Variants in MAML2 observed in about 807,000 individuals in gnomAD.
MAML2 encodes the protein mastermind like transcriptional coactivator 2, also known as mastermind-like protein 2.
Under a neutral mutation model 96.1 loss-of-function variants are expected in MAML2, and 22 were observed. The observed-to-expected ratio is 0.23, with a 90% CI of 0.16 to 0.33. The LOEUF (loss-of-function observed/expected upper bound fraction) is 0.33, where lower values mean the gene tolerates loss of function less well. MAML2 is among the 10% of genes least tolerant of loss of function. The pLI is 1.00. For synonymous variants in MAML2, 561 were observed against 521.3 expected, an observed-to-expected ratio of 1.08 and a Z score of -1.04; for missense variants, 1,367 against 1,392.4, an observed-to-expected ratio of 0.98 and a Z score of 0.29.
intron 1 of MAML2, among the ~76,000 whole-genome samples, chr11:96,163,172 C>T (rs565477830): frequency 2.2e-4 from 34 of 152,174 alleles, no homozygotes; most frequent in Non-Finnish European, 4.0e-4. Context: ...AAACCCGAGA[C>T]TGTCTCGGCA....
chr11:96,123,971 G>A (rs1388904523), intron 1 of MAML2, among the ~76,000 whole-genome samples: 1 of 151,980 alleles, frequency 6.6e-6, no homozygotes, highest in Admixed American at 6.6e-5. Context: ...TCGGGAGGCT[G>A]TAGTAGGAGA....
intron 1 of MAML2, among the ~76,000 whole-genome samples, chr11:96,143,237 C>T (rs556027430): frequency 2.0e-5 from 3 of 152,150 alleles, no homozygotes; most frequent in African/African-American, 7.2e-5. Flanking sequence ...TTTAAAACTG[C>T]TGACAAATGG....
intron 1 of MAML2, among the ~76,000 whole-genome samples, chr11:96,326,456 CCCTT>C (rs1165628756): frequency 6.6e-6 from 1 of 151,884 alleles, no homozygotes; most frequent in African/African-American, 2.4e-5. Context: ...CAATTGCATG[CCCTT>C]CCTTCTTTCT....
chr11:96,305,024 C>A (rs1363849284), intron 1 of MAML2, among the ~76,000 whole-genome samples: 1 of 152,136 alleles, frequency 6.6e-6, no homozygotes, highest in Non-Finnish European at 1.5e-5. Context: ...ATTAGAGATG[C>A]ACCATTTATA....
chr11:96,032,192 AG>A (rs1389202563), intron 2 of MAML2, among the ~76,000 whole-genome samples: 1 of 152,066 alleles, frequency 6.6e-6, no homozygotes, highest in Non-Finnish European at 1.5e-5. Context: ...AAAGTGGTGC[AG>A]CCACTTTGGA....
intron 2 of MAML2, among the ~76,000 whole-genome samples, chr11:96,034,060 T>C (rs914627360): frequency 6.6e-6 from 1 of 152,194 alleles, no homozygotes; most frequent in Non-Finnish European, 1.5e-5. Flanking sequence ...TTAAACTCTT[T>C]GGGGAAAGAA....
Position 96,343,177 on chromosome 11 carries a change from G to A in MAML2, c.-1282C>T, listed in dbSNP as rs1864024461. The stretch of plus-strand genomic sequence containing the variant: ...CTTTCATTGTGCTCCGATAGGAGAG[G>A]GAGAGAAAGAGAGAGAGTGAGACAG... On this transcript the variant is annotated 5_prime_UTR_variant, in exon 1 of 5. Coordinates refer to ENST00000524717, the MANE Select transcript of MAML2 (RefSeq NM_032427.4). 6.2e-6 allele frequency: 2 copies of A among 323,038 alleles called. No homozygotes were observed. The highest frequency in any genetic ancestry group is 5.1e-5 in the Admixed American group (1 of 19,692). 20.0% of individuals were successfully genotyped at this position (323,038 alleles called of 1,614,324 possible).
intron 1 of MAML2, among the ~76,000 whole-genome samples, chr11:96,229,994 C>A (rs1248418125): frequency 6.6e-6 from 1 of 152,152 alleles, no homozygotes; most frequent in Non-Finnish European, 1.5e-5. Context: ...AAACTTAACA[C>A]CAGTTGTTAA....
At chr11:96,051,986 G>A (rs1003053406) in intron 2 of MAML2, among the ~76,000 whole-genome samples, 2 of 152,148 alleles carry the variant, frequency 1.3e-5, no homozygotes, top group African/African-American at 4.8e-5. Context: ...ACTATGAGAT[G>A]AAATGAAACA....
chr11:96,212,197 C>T (rs1861984428), intron 1 of MAML2, among the ~76,000 whole-genome samples: 1 of 144,206 alleles, frequency 6.9e-6, no homozygotes, highest in Non-Finnish European at 1.5e-5. Context: ...TTTTGAAGTA[C>T]CTGTGGGAAA....
chr11:96,101,493 A>G (rs1859930257), intron 1 of MAML2, among the ~76,000 whole-genome samples: 1 of 152,218 alleles, frequency 6.6e-6, no homozygotes, highest in Non-Finnish European at 1.5e-5. Context: ...GGATCTAGAA[A>G]GAGCACAAGA....
chr11:96,248,879 T>A (rs540494991), intron 1 of MAML2, among the ~76,000 whole-genome samples: 1 of 152,202 alleles, frequency 6.6e-6, no homozygotes, highest in Non-Finnish European at 1.5e-5. Context: ...TAGCAGAAGC[T>A]AATTGTTAAA....
intron 2 of MAML2, among the ~76,000 whole-genome samples, chr11:96,068,145 T>A (rs1859273023): frequency 6.6e-6 from 1 of 152,188 alleles, no homozygotes; most frequent in African/African-American, 2.4e-5. Flanking sequence ...GTATCCTGAG[T>A]CATAATAATG....
At chr11:96,002,158 C>G (rs1858087592) in intron 2 of MAML2, among the ~76,000 whole-genome samples, 1 of 152,180 alleles carries the variant, frequency 6.6e-6, no homozygotes, top group Non-Finnish European at 1.5e-5. Flanking sequence ...TTGCTTATAC[C>G]TCTTTCCCAT....
intron 2 of MAML2, among the ~76,000 whole-genome samples, chr11:96,039,889 C>T (rs951560416): frequency 1.3e-5 from 2 of 148,206 alleles, no homozygotes; most frequent in Non-Finnish European, 1.5e-5. Flanking sequence ...ACCCGGGAGG[C>T]GAAGCTTGCA....
At chr11:96,162,659 C>T (rs187103330) in intron 1 of MAML2, among the ~76,000 whole-genome samples, 44 of 148,354 alleles carry the variant, frequency 3.0e-4, no homozygotes, top group Admixed American at 8.2e-4. Context: ...TTCGGTGAGC[C>T]GAGATTGCGC....
At position 96,062,132 on chromosome 11, in the gene MAML2, G is replaced by A. The variant is rs568201867; in HGVS notation, c.2139+29760C>T. 5.7e-4 allele frequency among the ~76,000 whole-genome samples: 86 copies of A among 152,200 alleles called. 1 individual carries two copies. The highest frequency in any genetic ancestry group is 1.9e-3 in the African/African-American group (79 of 41,514). On this transcript the variant is annotated intron_variant, in intron 2 of 4. Coordinates refer to ENST00000524717, the MANE Select transcript of MAML2 (RefSeq NM_032427.4). ...TTAATCAATTAAGATAAAATAAGTT[G>A]AAAGGGAAGGTTGGAGTATGGTACT...
chr11:96,129,174 T>C (rs1159844027), intron 1 of MAML2, among the ~76,000 whole-genome samples: 2 of 152,170 alleles, frequency 1.3e-5, no homozygotes, highest in East Asian at 1.9e-4. Context: ...CATTATTCTA[T>C]ACCAGTCTGA....
At chr11:96,327,292 C>T (rs1044312653) in intron 1 of MAML2, among the ~76,000 whole-genome samples, 1 of 152,146 alleles carries the variant, frequency 6.6e-6, no homozygotes, top group Admixed American at 6.5e-5. Flanking sequence ...AGCCTGGACC[C>T]GAATGGGGGT....
Sources: allele counts gnomAD v4.1 joint callset (sites outside exome capture counted in the v4.1 genomes callset), GRCh38; gene constraint gnomAD v4.1.1; transcripts MANE v1.5; gene names NCBI Gene and HGNC (gene_info 2026-07-23, HGNC 2026-07-21).